Variants in BBS9 observed in about 807,000 individuals in gnomAD.
The protein encoded by BBS9 is Bardet-Biedl syndrome 9, also known as protein PTHB1.
Under a neutral mutation model 117.7 loss-of-function variants are expected in BBS9, and 89 were observed. The observed-to-expected ratio is 0.76, with a 90% CI of 0.64 to 0.90. The LOEUF is 0.90. BBS9 is among the 40% of genes least tolerant of loss of function. The pLI is 0.00. For synonymous variants in BBS9, 379 were observed against 370.9 expected, an observed-to-expected ratio of 1.02 and a Z score of -0.25; for missense variants, 982 against 1,042.2, an observed-to-expected ratio of 0.94 and a Z score of 0.80.
chr7:33,273,953 T>G lies in BBS9; in HGVS notation c.1013T>G (p.Leu338Trp). Reference protein sequence around the residue: ...HIPVAVRVGCLHDLKGVIVTL... With the variant: ...HIPVAVRVGCWHDLKGVIVTL... The stretch of plus-strand genomic sequence containing the variant: ...CCTGTAGCAGTAAGAGTGGGCTGTT[T>G]GCAGTAAGTGATTTAATTTAACACA... Residue 338 changes from leucine (L) to tryptophan (W), a missense_variant, in exon 9 of 23, where the codon TTG (leucine) becomes TGG (tryptophan). Coordinates refer to ENST00000242067, the MANE Select transcript of BBS9 (RefSeq NM_198428.3). 2 of 1,613,714 alleles carry G rather than the reference T, an allele frequency of 1.2e-6. No individual in the cohort carries two copies. The highest frequency in any genetic ancestry group is 1.7e-6 in the Non-Finnish European group (2 of 1,179,762).
At chr7:33,439,093 A>G (rs756301568) in intron 19 of BBS9, among the ~76,000 whole-genome samples, 6 of 152,186 alleles carry the variant, frequency 3.9e-5, no homozygotes, top group Non-Finnish European at 8.8e-5. Flanking sequence ...TGGACCCTTC[A>G]GCCCTAAAGC....
intron 5 of BBS9, among the ~76,000 whole-genome samples, chr7:33,235,771 T>C (rs974517775): frequency 6.6e-6 from 1 of 152,134 alleles, no homozygotes; most frequent in Non-Finnish European, 1.5e-5. Context: ...ATACCAGAAG[T>C]GAAGGGGAAA....
chr7:33,478,603 T>C (rs1306625971), intron 19 of BBS9, among the ~76,000 whole-genome samples: 1 of 152,194 alleles, frequency 6.6e-6, no homozygotes, highest in Non-Finnish European at 1.5e-5. Flanking sequence ...ATGAAAGGTG[T>C]TCTTATCAAG....
Position 33,226,606 on chromosome 7 carries a change from A to G in BBS9, c.443-30630A>G, listed in dbSNP as rs565499354. On this transcript the variant is annotated intron_variant, in intron 5 of 22. Coordinates refer to ENST00000242067, the MANE Select transcript of BBS9 (RefSeq NM_198428.3). The stretch of plus-strand genomic sequence containing the variant: ...TTTATACATCCTTGTTCATTGCAGC[A>G]TTATTCACAATAGCCAAAAGGTGGA... Among the ~76,000 whole-genome samples the G allele has an allele frequency of 1.8e-3, 277 of 152,354 alleles. 4 individuals are homozygous for G. Among genetic ancestry groups the G allele is most frequent in the African/African-American group, 6.3e-3 (264 of 41,578 alleles).
intron 21 of BBS9, among the ~76,000 whole-genome samples, chr7:33,613,465 G>C (rs1240048434): frequency 1.3e-5 from 2 of 151,958 alleles, no homozygotes; most frequent in African/African-American, 4.8e-5. Flanking sequence ...GTGGTACAGG[G>C]GTTTTTCAGA....
intron 16 of BBS9, among the ~76,000 whole-genome samples, chr7:33,361,230 A>G (rs189207273): frequency 1.5e-4 from 23 of 152,340 alleles, no homozygotes; most frequent in Admixed American, 1.2e-3. Flanking sequence ...CCATCAATGT[A>G]TGTCACAATA....
At chr7:33,300,951 A>G (rs1211959254) in intron 9 of BBS9, among the ~76,000 whole-genome samples, 2 of 152,136 alleles carry the variant, frequency 1.3e-5, no homozygotes, top group African/African-American at 2.4e-5. Flanking sequence ...AGAATTTTAG[A>G]TTAGCAGTTA....
intron 5 of BBS9, among the ~76,000 whole-genome samples, chr7:33,212,820 C>T (rs918444373): frequency 1.3e-5 from 2 of 152,152 alleles, no homozygotes; most frequent in African/African-American, 4.8e-5. Flanking sequence ...GAATACGAGG[C>T]AGAGACTCAT....
intron 21 of BBS9, among the ~76,000 whole-genome samples, chr7:33,631,663 C>A (rs1346846595): frequency 6.6e-6 from 1 of 152,190 alleles, no homozygotes; most frequent in African/African-American, 2.4e-5. Flanking sequence ...AGTGCAGGGG[C>A]CCCTTGCCTC....
intron 21 of BBS9, among the ~76,000 whole-genome samples, chr7:33,545,624 G>C (rs769096178): frequency 6.6e-6 from 1 of 152,010 alleles, no homozygotes; most frequent in African/African-American, 2.4e-5. Context: ...TCTTGCAGGC[G>C]ATCTGCAGCT....
chr7:33,497,816 G>A (rs11762034), intron 19 of BBS9, among the ~76,000 whole-genome samples: 5,275 of 152,198 alleles, frequency 0.035, 126 homozygotes, highest in Non-Finnish European at 0.053. Context: ...TGAGGGTCAG[G>A]GTACGGTGCA....
intron 9 of BBS9, among the ~76,000 whole-genome samples, chr7:33,335,289 A>G (rs1235714023): frequency 6.6e-6 from 1 of 152,176 alleles, no homozygotes; most frequent in Admixed American, 6.5e-5. Context: ...AGCTGGATTC[A>G]AACTCCTGGG....
At chr7:33,399,803 A>T (rs1317026369) in intron 19 of BBS9, among the ~76,000 whole-genome samples, 1 of 152,174 alleles carries the variant, frequency 6.6e-6, no homozygotes, top group East Asian at 1.9e-4. Flanking sequence ...TTAGTTTCAG[A>T]AAAGATATGT....
intron 5 of BBS9, among the ~76,000 whole-genome samples, chr7:33,240,490 C>T (rs146444458): frequency 0.013 from 1,959 of 152,174 alleles, 18 homozygotes; most frequent in Non-Finnish European, 0.019. Flanking sequence ...TTGGCTCAAG[C>T]AATTCTCCCA....
At chr7:33,323,127 T>C (rs972394761) in intron 9 of BBS9, among the ~76,000 whole-genome samples, 1 of 152,198 alleles carries the variant, frequency 6.6e-6, no homozygotes, top group Non-Finnish European at 1.5e-5. Context: ...TTTTTTTGAA[T>C]GTTTTAGGAC....
chr7:33,152,442 C>A (rs1056008207), intron 2 of BBS9, among the ~76,000 whole-genome samples: 9 of 151,922 alleles, frequency 5.9e-5, no homozygotes, highest in Non-Finnish European at 8.8e-5. Context: ...ACTTTGATAC[C>A]AAATAAAGGT....
chr7:33,591,823 A>T (rs985915420), intron 21 of BBS9, among the ~76,000 whole-genome samples: 4 of 152,022 alleles, frequency 2.6e-5, no homozygotes, highest in African/African-American at 9.7e-5. Flanking sequence ...CTGCTGGTAA[A>T]TAGAAAACAA....
intron 7 of BBS9, among the ~76,000 whole-genome samples, chr7:33,269,086 C>G (rs1002379984): frequency 2.6e-5 from 4 of 152,208 alleles, no homozygotes; most frequent in Non-Finnish European, 5.9e-5. Context: ...CTCCCTTCTA[C>G]AGATTGATCT....
chr7:33,449,340 G>A (rs1277718555), intron 19 of BBS9, among the ~76,000 whole-genome samples: 2 of 152,162 alleles, frequency 1.3e-5, no homozygotes, highest in African/African-American at 4.8e-5. Context: ...TAACAGAATG[G>A]TACTGGCTAC....
Sources: allele counts gnomAD v4.1 joint callset (sites outside exome capture counted in the v4.1 genomes callset), GRCh38; gene constraint gnomAD v4.1.1; transcripts MANE v1.5; gene names NCBI Gene and HGNC (gene_info 2026-07-23, HGNC 2026-07-21).